Variants in PCSK5 observed in about 807,000 individuals in gnomAD.
PCSK5 encodes prohormone convertase 5.
Under a neutral mutation model 233.2 loss-of-function variants are expected in PCSK5, and 129 were observed. The observed-to-expected ratio is 0.55, with a 90% confidence interval of 0.48 to 0.64. PCSK5 has a LOEUF of 0.64. Among genes scored for constraint, PCSK5 ranks in the 30% least tolerant of loss-of-function variants. The pLI is 0.00. For missense variants in PCSK5, 2,076 were observed against 2,430.1 expected, an observed-to-expected ratio of 0.85 and a Z score of 3.06; for synonymous variants, 825 against 879.2, an observed-to-expected ratio of 0.94 and a Z score of 1.09.
intron 37 of PCSK5, among the ~76,000 whole-genome samples, chr9:76,355,475 AAAAAG>A (rs979132138): frequency 6.6e-6 from 1 of 152,150 alleles, no homozygotes; most frequent in African/African-American, 2.4e-5. Flanking sequence ...TCCGTCTCAA[AAAAAG>A]AAAAGAAAAG....
At chr9:76,304,164 T>G (rs1226877708) in intron 28 of PCSK5, among the ~76,000 whole-genome samples, 1 of 152,138 alleles carries the variant, frequency 6.6e-6, no homozygotes, top group Admixed American at 6.5e-5. Context: ...GGAGCGAGAC[T>G]CTGTCTCAAA....
intron 1 of PCSK5, among the ~76,000 whole-genome samples, chr9:75,916,541 C>T (rs1428212008): frequency 1.3e-5 from 2 of 151,678 alleles, no homozygotes; most frequent in Admixed American, 6.6e-5. Context: ...ACTTTGACTT[C>T]GGAAGAAGTG....
intron 12 of PCSK5, among the ~76,000 whole-genome samples, chr9:76,165,809 C>A (rs924653633): frequency 3.9e-5 from 6 of 152,190 alleles, no homozygotes; most frequent in African/African-American, 1.2e-4. Context: ...TGTGTCTGAT[C>A]TCTTCACTGT....
intron 20 of PCSK5, among the ~76,000 whole-genome samples, chr9:76,201,423 T>C (rs890537369): frequency 2.0e-5 from 3 of 152,184 alleles, no homozygotes; most frequent in African/African-American, 7.2e-5. Context: ...GGTAAATGCC[T>C]AAGGTACTCC....
chr9:75,914,639 T>G (rs1822902657), intron 1 of PCSK5, among the ~76,000 whole-genome samples: 1 of 152,164 alleles, frequency 6.6e-6, no homozygotes, highest in Non-Finnish European at 1.5e-5. Context: ...TGAGTTCCAG[T>G]ATCTTCAAGT....
chr9:76,193,273 T>C (rs373890556), intron 20 of PCSK5: 31 of 1,613,536 alleles, frequency 1.9e-5, no homozygotes, highest in Non-Finnish European at 2.5e-5. Context: ...GGCTTCTGTA[T>C]GCTTGTGAAA....
intron 36 of PCSK5, among the ~76,000 whole-genome samples, chr9:76,352,731 A>C (rs1006940877): frequency 6.6e-6 from 1 of 152,166 alleles, no homozygotes; most frequent in Non-Finnish European, 1.5e-5. Flanking sequence ...CCCATGATGA[A>C]ATTAACACAA....
At chr9:76,061,359 G>T (rs1830022353) in intron 5 of PCSK5, among the ~76,000 whole-genome samples, 1 of 152,072 alleles carries the variant, frequency 6.6e-6, no homozygotes, top group African/African-American at 2.4e-5. Flanking sequence ...GATACCAAAA[G>T]ATAACTAATT....
intron 1 of PCSK5, among the ~76,000 whole-genome samples, chr9:75,903,630 A>G (rs1587337471): frequency 6.9e-6 from 1 of 144,310 alleles, no homozygotes; most frequent in East Asian, 2.0e-4. Flanking sequence ...TATATAAAAT[A>G]AGTATTTAAG....
At chr9:76,046,861 A>G (rs1165707274) in intron 5 of PCSK5, among the ~76,000 whole-genome samples, 1 of 152,006 alleles carries the variant, frequency 6.6e-6, no homozygotes, top group Non-Finnish European at 1.5e-5. Context: ...CGCCCGGCCA[A>G]CTGTAGTTCT....
chr9:76,229,631 A>G (rs1159992309), intron 21 of PCSK5, among the ~76,000 whole-genome samples: 1 of 152,246 alleles, frequency 6.6e-6, no homozygotes, highest in Non-Finnish European at 1.5e-5. Context: ...TTCTTTTAGA[A>G]TATTAAAGAA....
Position 76,238,995 on chromosome 9 carries a change from A to G in PCSK5, c.2903A>G (p.Glu968Gly), listed in dbSNP as rs776381367. The G allele has an allele frequency of 6.2e-7, 1 of 1,612,240 alleles. No homozygotes were observed. The highest frequency in any genetic ancestry group is 1.3e-5 in the African/African-American group (1 of 74,920). The change falls in exon 23 of 38, where the codon GAG becomes GGG. Residue 968 changes from glutamate to glycine, a missense_variant. Transcript: ENST00000674117. ...YGREHFLYQGECGDSCPEGHY... is the reference protein window; with the variant it reads ...YGREHFLYQGGCGDSCPEGHY... ...CGAGAGCACTTCCTGTACCAGGGAGAGTGTGGAGATAGCTGCCCAGAGGGC... is the reference window on the plus strand; with the variant it reads ...CGAGAGCACTTCCTGTACCAGGGAGGGTGTGGAGATAGCTGCCCAGAGGGC...
rs35289784 is a variant in PCSK5 at position 76,285,211 on chromosome 9, GC to G, written c.3143-7018del. On this transcript the variant is annotated intron_variant, in intron 24 of 37. Transcript: ENST00000674117. ...ACCTGAATCCTGGGAAGTGAATGGA[GC>G]CCCTAGTTTGGTAGAGCATAAGATA... 9.7e-3 allele frequency among the ~76,000 whole-genome samples: 1,472 copies of G among 152,278 alleles called. 24 individuals carry two copies. Among genetic ancestry groups the G allele is most frequent in the African/African-American group, 0.033 (1,385 of 41,538 alleles).
At chr9:76,130,312 G>T (rs889680865) in intron 9 of PCSK5, among the ~76,000 whole-genome samples, 1 of 152,120 alleles carries the variant, frequency 6.6e-6, no homozygotes. Flanking sequence ...TTGGCTTTTT[G>T]ATCCATTTGT....
intron 5 of PCSK5, among the ~76,000 whole-genome samples, chr9:76,065,269 T>TC (rs111872054): frequency 0.016 from 2,435 of 152,332 alleles, 73 homozygotes; most frequent in African/African-American, 0.055. Flanking sequence ...CCAGCAGTGT[T>TC]CTCTTTTCAC....
intron 2 of PCSK5, among the ~76,000 whole-genome samples, chr9:75,977,276 C>T (rs1011738348): frequency 8.6e-5 from 13 of 151,846 alleles, no homozygotes; most frequent in African/African-American, 2.7e-4. Flanking sequence ...AGCTTTGTTA[C>T]GTAGGTAAAC....
chr9:76,345,567 T>C (rs1829956759), intron 35 of PCSK5, among the ~76,000 whole-genome samples: 2 of 151,960 alleles, frequency 1.3e-5, no homozygotes, highest in Non-Finnish European at 2.9e-5. Context: ...TACAGGCGCC[T>C]GCTGCCACGA....
At chr9:76,246,742 C>T (rs1826614373) in intron 24 of PCSK5, among the ~76,000 whole-genome samples, 2 of 152,198 alleles carry the variant, frequency 1.3e-5, no homozygotes, top group Non-Finnish European at 2.9e-5. Context: ...CACTCTGCAG[C>T]TACCAAAAGA....
At chr9:76,115,183 A>G (rs1257819027) in intron 9 of PCSK5, among the ~76,000 whole-genome samples, 3 of 152,066 alleles carry the variant, frequency 2.0e-5, no homozygotes, top group African/African-American at 7.2e-5. Flanking sequence ...CCAGTTGTAC[A>G]AGAAAGTCTC....
Sources: allele counts gnomAD v4.1 joint callset (sites outside exome capture counted in the v4.1 genomes callset), GRCh38; gene constraint gnomAD v4.1.1; transcripts MANE v1.5; gene names NCBI Gene and HGNC (gene_info 2026-07-23, HGNC 2026-07-21).